The following COL11A2 variants were observed in gnomAD, a reference collection of about 807,000 sequenced individuals.
The protein encoded by COL11A2 is collagen alpha-2(XI) chain.
Under a neutral mutation model 273.4 loss-of-function variants are expected in COL11A2, and 116 were observed. The observed-to-expected ratio is 0.42, with a 90% CI of 0.36 to 0.49. The LOEUF (loss-of-function observed/expected upper bound fraction) is 0.49, where lower values mean the gene tolerates loss of function less well. COL11A2 is among the 20% of genes least tolerant of loss of function. The probability of loss-of-function intolerance (pLI) is 0.00; values close to 1 mark genes in which losing one functional copy is unlikely to be tolerated. For synonymous variants in COL11A2, 782 were observed against 864.2 expected, an observed-to-expected ratio of 0.90 and a Z score of 1.67; for missense variants, 1,866 against 2,309.0, an observed-to-expected ratio of 0.81 and a Z score of 3.93.
rs1583313311 is a variant in COL11A2, at chr6:33,171,830, C to T, written c.3043-10G>A. On this transcript the variant is annotated splice_polypyrimidine_tract_variant and intron_variant, in intron 41 of 65. Coordinates refer to ENST00000341947, the MANE Select transcript of COL11A2 (RefSeq NM_080680.3). ...GTTCCCCAGGGGAGCCCTGAGAAAG[C>T]AGATGGTCAGACCCCCAGGAAGGAG... The T allele has an allele frequency of 6.2e-7, 1 of 1,612,470 alleles. No homozygotes were observed.
At chr6:33,168,465 A>G in intron 54 of COL11A2, 54 bp downstream of exon 54, 1 of 1,597,324 alleles carries the variant, frequency 6.3e-7, no homozygotes, top group Non-Finnish European at 8.6e-7. Flanking sequence ...CCCAGCCTCC[A>G]CCCACACAGC....
Position 33,177,722 on chromosome 6 carries a change from G to A in COL11A2, c.1873-16C>T, listed in dbSNP as rs2150573855. On this transcript the variant is annotated splice_polypyrimidine_tract_variant and intron_variant, in intron 21 of 65. Coordinates refer to ENST00000341947, the MANE Select transcript of COL11A2 (RefSeq NM_080680.3). This position sits in a 1 kb window ranked among gnomAD's most constrained non-coding sequence, Gnocchi z 5.9. ...CTCGGACGCCCTGAAACACAAGATG[G>A]GTGTGAGCAGCCTGAAGGTGGCCCG... The A allele has an allele frequency of 2.5e-6, 4 of 1,612,866 alleles. No homozygotes were observed. The highest frequency in any genetic ancestry group is 3.4e-6 in the Non-Finnish European group (4 of 1,179,968).
At position 33,192,343 on chromosome 6, in the gene COL11A2, C is replaced by A. The variant is rs1217801728; in HGVS notation, c.-103G>T. The A allele has an allele frequency of 2.6e-6, 3 of 1,165,924 alleles. No homozygotes were observed. The highest frequency in any genetic ancestry group is 3.7e-6 in the Non-Finnish European group (3 of 806,568). 72.2% of individuals were successfully genotyped at this position (1,165,924 alleles called of 1,614,324 possible). ...CAGGGAGCAGACTATGAGCCTCAGA[C>A]GCCGGGGTCCCAGGGAGGTCAGAGG... On this transcript the variant is annotated 5_prime_UTR_variant, in exon 1 of 66. Coordinates refer to ENST00000341947, the MANE Select transcript of COL11A2 (RefSeq NM_080680.3).
chr6:33,177,812 A>G lies in COL11A2; in HGVS notation c.1873-106T>C. 7.9e-7 allele frequency: 1 copy of G among 1,271,492 alleles called. No individual in the cohort carries two copies. Among genetic ancestry groups the G allele is most frequent in the South Asian group, 1.2e-5 (1 of 81,170 alleles). The allele number at this position is 1,271,492 out of a possible 1,614,324, so 78.8% of individuals were successfully genotyped here. On this transcript the variant is annotated intron_variant, in intron 21 of 65. Coordinates refer to ENST00000341947, the MANE Select transcript of COL11A2 (RefSeq NM_080680.3). The surrounding 1 kb of genome is among the most constrained non-coding windows in gnomAD (Gnocchi z 5.9). ...GGTGTGACGGTCAGACCTCCAATCC[A>G]TCCCAAACCCAAGCAAACACAGCTG...
Position 33,179,764 on chromosome 6 carries a change from C to A in COL11A2, c.1401G>T (p.Val467=). Reference sequence around the variant, plus strand: ...CCTGGGCCTGAGCCTCCTGGGCCGCCACCACAGGGCCCTTGTCACCCCCAC... The same window carrying A: ...CCTGGGCCTGAGCCTCCTGGGCCGCAACCACAGGGCCCTTGTCACCCCCAC... ...GSGGGDKGPV[V]AAQEAQAQAI... is the part of the protein sequence containing the mutation. The change falls in exon 13 of 66, where the codon GTG becomes GTT. Residue 467 remains valine (V), a synonymous_variant. Transcript: ENST00000341947. This position sits in a 1 kb window ranked among gnomAD's most constrained non-coding sequence, Gnocchi z 6.4. 6.2e-7 allele frequency: 1 copy of A among 1,612,160 alleles called. No homozygotes were observed.
In COL11A2 at chr6:33,181,080, C is replaced by A. The variant is rs368353745; in HGVS notation, c.1179+31G>T. On this transcript the variant is annotated intron_variant, in intron 9 of 65. Transcript: ENST00000341947. The stretch of plus-strand genomic sequence containing the variant: ...ACCCCACTTGCTTCTCCTATTTCCA[C>A]TGCCTCAGCCCTGTGACCAGCATAA... 52 of 1,614,076 alleles carry A rather than the reference C, an allele frequency of 3.2e-5. No homozygotes were observed. In the African/African-American group the frequency reaches 3.5e-4, roughly 11 times the overall value.
Position 33,169,820 on chromosome 6 carries a change from C to G in COL11A2, c.3690+11G>C. 1.2e-6 allele frequency: 2 copies of G among 1,614,052 alleles called. No homozygotes were observed. Among genetic ancestry groups the G allele is most frequent in the Non-Finnish European group, 1.7e-6 (2 of 1,179,958 alleles). Reference sequence around the variant, plus strand: ...GGGACTGGGGAGTAAGGCCTTGGAGCTGTCACTCACCTTGACACCTGGCTC... The same window carrying G: ...GGGACTGGGGAGTAAGGCCTTGGAGGTGTCACTCACCTTGACACCTGGCTC... On this transcript the variant is annotated intron_variant, in intron 50 of 65. Coordinates refer to ENST00000341947, the MANE Select transcript of COL11A2 (RefSeq NM_080680.3). The surrounding 1 kb of genome is among the most constrained non-coding windows in gnomAD (Gnocchi z 5.5).
chr6:33,180,808 CTG>C (rs1158770666), intron 10 of COL11A2, 78 bp from the exon 11 acceptor site: 24 of 1,567,902 alleles, frequency 1.5e-5, no homozygotes, highest in Non-Finnish European at 2.1e-5. Context: ...GAGGAGTGGT[CTG>C]TGCAGAACAG....
chr6:33,163,961 GC>G lies in COL11A2; in HGVS notation c.5071-144del. On this transcript the variant is annotated intron_variant, in intron 65 of 65. Coordinates refer to ENST00000341947, the MANE Select transcript of COL11A2 (RefSeq NM_080680.3). This position sits in a 1 kb window ranked among gnomAD's most constrained non-coding sequence, Gnocchi z 4.1. ...ATGTACAGACTGGCAGTGTCTATGT[GC>G]CCATGCGTGTGTGTTTGCTTCTCCC... 1 of 1,219,352 alleles carries G rather than the reference GC, an allele frequency of 8.2e-7. No homozygotes were observed. The highest frequency in any genetic ancestry group is 1.2e-6 in the Non-Finnish European group (1 of 843,888). 75.5% of individuals were successfully genotyped at this position (1,219,352 alleles called of 1,614,324 possible).
At position 33,176,506 on chromosome 6, in the gene COL11A2, C is replaced by G. The variant is rs552108080; in HGVS notation, c.2116-20G>C. ...GGGACCCTGGAAGATAAAAGAGAGG[C>G]ATTTATAAAGGGGCCTCAGAGTGTC... On this transcript the variant is annotated intron_variant, in intron 26 of 65. Transcript: ENST00000341947. This position sits in a 1 kb window ranked among gnomAD's most constrained non-coding sequence, Gnocchi z 4.9. 2 of 1,609,728 alleles carry G rather than the reference C, an allele frequency of 1.2e-6. No individual in the cohort carries two copies. The highest frequency in any genetic ancestry group is 8.5e-7 in the Non-Finnish European group (1 of 1,177,396).
In COL11A2 at chr6:33,163,393, T is replaced by C. The variant is rs1225279614; in HGVS notation, c.*285A>G. On this transcript the variant is annotated 3_prime_UTR_variant, in exon 66 of 66. Transcript: ENST00000341947. This position sits in a 1 kb window ranked among gnomAD's most constrained non-coding sequence, Gnocchi z 4.1. ...CCATGTCCTTTCTCTTCTCTTCCAT[T>C]TGTTTGGGGTGATTGGGAGGTGAGT... The C allele has an allele frequency of 1.9e-6, 1 of 532,932 alleles. No individual in the cohort carries two copies. The highest frequency in any genetic ancestry group is 3.4e-6 in the Non-Finnish European group (1 of 298,360). 33.0% of individuals were successfully genotyped at this position (532,932 alleles called of 1,614,324 possible). A position where few individuals can be genotyped will look rare whatever the true frequency, so the allele number is the denominator to read the frequency against.
chr6:33,167,144 A>G lies in COL11A2; in HGVS notation c.4177-21T>C, dbSNP rs1769269045. The G allele has an allele frequency of 1.2e-6, 2 of 1,614,024 alleles. No individual in the cohort carries two copies. The highest frequency in any genetic ancestry group is 1.7e-6 in the Non-Finnish European group (2 of 1,179,930). ...GGTCCCTGTGGAGAGATGGGAAGTC[A>G]TTCTCTTAAGGGAGAGGTGGGACCA... On this transcript the variant is annotated intron_variant, in intron 57 of 65. Transcript: ENST00000341947. This position sits in a 1 kb window ranked among gnomAD's most constrained non-coding sequence, Gnocchi z 6.1.
chr6:33,187,054 G>A (rs969911883), intron 4 of COL11A2, among the ~76,000 whole-genome samples: 3 of 152,084 alleles, frequency 2.0e-5, no homozygotes, highest in African/African-American at 4.8e-5. Flanking sequence ...TTTCAGATAC[G>A]TTCCATTCAG....
Position 33,177,133 on chromosome 6 carries a change from A to G in COL11A2, c.2016+48T>C. On this transcript the variant is annotated intron_variant, in intron 24 of 65. Transcript: ENST00000341947. The surrounding 1 kb of genome is among the most constrained non-coding windows in gnomAD (Gnocchi z 5.9). ...CCAGCAGACATTTAGGGTTCTCCCT[A>G]CATCCCCACTCTAAACCCCCTGTCC... The G allele has an allele frequency of 6.2e-7, 1 of 1,612,672 alleles. No individual in the cohort carries two copies. The highest frequency in any genetic ancestry group is 8.5e-7 in the Non-Finnish European group (1 of 1,179,780).
chr6:33,191,584 C>T lies in COL11A2; in HGVS notation c.82+575G>A, dbSNP rs145747595. ...CCTGATCCTGGCCTGTCCGGAGGGCCGTCCTGTTGGCAGCCAGCCCCAGTG... is the reference window on the plus strand; with the variant it reads ...CCTGATCCTGGCCTGTCCGGAGGGCTGTCCTGTTGGCAGCCAGCCCCAGTG... On this transcript the variant is annotated intron_variant, in intron 1 of 65. Transcript: ENST00000341947. 4.1e-4 allele frequency among the ~76,000 whole-genome samples: 63 copies of T among 152,372 alleles called. No homozygotes were observed. In the East Asian group the frequency reaches 0.011, roughly 26 times the overall value.
chr6:33,177,775 G>T lies in COL11A2; in HGVS notation c.1873-69C>A. On this transcript the variant is annotated intron_variant, in intron 21 of 65. Transcript: ENST00000341947. This position sits in a 1 kb window ranked among gnomAD's most constrained non-coding sequence, Gnocchi z 5.9. ...GGGACCTGTGGTTTTCAGAGGCCCGGCCATTCCCGAGGGTGTGACGGTCAG... is the reference window on the plus strand; with the variant it reads ...GGGACCTGTGGTTTTCAGAGGCCCGTCCATTCCCGAGGGTGTGACGGTCAG... 6.4e-7 allele frequency: 1 copy of T among 1,558,664 alleles called. No homozygotes were observed. Among genetic ancestry groups the T allele is most frequent in the Non-Finnish European group, 8.8e-7 (1 of 1,133,014 alleles).
At chr6:33,171,674 C>A in intron 42 of COL11A2, 39 bp downstream of exon 42, 3 of 1,602,540 alleles carry the variant, frequency 1.9e-6, no homozygotes, top group Non-Finnish European at 1.7e-6. Flanking sequence ...GGCTCACAGA[C>A]CCCTCCCCAG....
In COL11A2 at chr6:33,170,197, G is replaced by C; in HGVS notation, c.3583-97C>G. On this transcript the variant is annotated intron_variant, in intron 48 of 65. Transcript: ENST00000341947. The surrounding 1 kb of genome is among the most constrained non-coding windows in gnomAD (Gnocchi z 4.3). ...AGCAGCCCAAGGTTACAGCAGTGAGGCAGTGGAGGCCTCCCGGGAGTAAGG... is the reference window on the plus strand; with the variant it reads ...AGCAGCCCAAGGTTACAGCAGTGAGCCAGTGGAGGCCTCCCGGGAGTAAGG... 1 of 1,577,398 alleles carries C rather than the reference G, an allele frequency of 6.3e-7. No individual in the cohort carries two copies. Among genetic ancestry groups the C allele is most frequent in the East Asian group, 2.2e-5 (1 of 44,626 alleles).
In COL11A2 at chr6:33,169,013, T is replaced by C. The variant is rs1169725140; in HGVS notation, c.3799-5A>G. 2 of 1,605,614 alleles carry C rather than the reference T, an allele frequency of 1.2e-6. No individual in the cohort carries two copies. The highest frequency in any genetic ancestry group is 3.4e-5 in the Admixed American group (2 of 59,168). On this transcript the variant is annotated splice_region_variant and splice_polypyrimidine_tract_variant and intron_variant, in intron 51 of 65. Coordinates refer to ENST00000341947, the MANE Select transcript of COL11A2 (RefSeq NM_080680.3). This position sits in a 1 kb window ranked among gnomAD's most constrained non-coding sequence, Gnocchi z 5.5. Reference sequence around the variant, plus strand: ...ACCAGGAAAACCAACAGGACCCTGATCCAGATGGAGAATAAGAGTCAGGGT... The same window carrying C: ...ACCAGGAAAACCAACAGGACCCTGACCCAGATGGAGAATAAGAGTCAGGGT...
Sources: gnomAD v4.1 joint callset for allele counts (sites outside exome capture counted in the v4.1 genomes callset) on GRCh38, gnomAD v4.1.1 for gene constraint, Gnocchi (gnomAD v3.1) non-coding constraint, MANE v1.5 for transcripts, NCBI Gene and HGNC (gene_info 2026-07-23, HGNC 2026-07-21) for gene names.